Variants in HECW2 observed in about 807,000 individuals in gnomAD.
HECW2 encodes HECT, C2 and WW domain containing E3 ubiquitin protein ligase 2, also known as E3 ubiquitin-protein ligase HECW2.
HECW2 carries 61 observed loss-of-function variants against 175.2 expected under a neutral mutation model. The observed-to-expected ratio is 0.35, with a 90% CI of 0.28 to 0.43. HECW2 has a LOEUF of 0.43. Ranked by LOEUF, HECW2 falls within the 20% of genes least tolerant of loss-of-function variation. The probability of loss-of-function intolerance (pLI) is 1.00; values close to 1 mark genes in which losing one functional copy is unlikely to be tolerated. For synonymous variants in HECW2, 671 were observed against 731.0 expected (o/e 0.92, Z 1.32); for missense variants, 1,524 against 2,000.5 (o/e 0.76, Z 4.54).
In HECW2 at chr2:196,202,812, C is replaced by T. The variant is rs538404883; in HGVS notation, c.4608-1424G>A. Among the ~76,000 whole-genome samples the T allele has an allele frequency of 5.8e-4, 88 of 152,258 alleles. 1 individual carries two copies. Among genetic ancestry groups the T allele is most frequent in the African/African-American group, 1.9e-3 (77 of 41,556 alleles). On this transcript the variant is annotated intron_variant, in intron 28 of 28. Coordinates refer to ENST00000644978, the MANE Select transcript of HECW2 (RefSeq NM_001348768.2). ...AGTATTCCTTATCCAAAATGCTTGG[C>T]ACCAGAAGTGCTTTGGATTTCAGAT... is the stretch of plus-strand genomic sequence containing the variant.
chr2:196,432,021 G>A (rs1318606626), intron 2 of HECW2, among the ~76,000 whole-genome samples: 1 of 152,192 alleles, frequency 6.6e-6, no homozygotes, highest in Non-Finnish European at 1.5e-5. Flanking sequence ...CTCAACAGTG[G>A]TGCTATTGGC....
chr2:196,446,628 T>C (rs2125299882), intron 1 of HECW2, among the ~76,000 whole-genome samples: 2 of 152,364 alleles, frequency 1.3e-5, no homozygotes, highest in East Asian at 1.9e-4. Context: ...AGTGATTTCA[T>C]GGGCAGAATG....
rs1164376612 is a variant in HECW2 at position 196,198,322 on chromosome 2, G to T, written c.*2955C>A. The T allele has an allele frequency of 6.6e-6, 1 of 152,132 alleles. No homozygotes were observed. The highest frequency in any genetic ancestry group is 1.5e-5 in the Non-Finnish European group (1 of 68,024). The allele number at this position is 152,132 out of a possible 1,614,324, so 9.4% of individuals were successfully genotyped here. ...TTGCCATTGCTTCCCAATAGAAACA[G>T]CATTGATGTAATTTTTTTTAGCCAC... is the stretch of plus-strand genomic sequence containing the variant. On this transcript the variant is annotated 3_prime_UTR_variant, in exon 29 of 29. Transcript: ENST00000644978.
At chr2:196,489,296 A>C (rs971539802) in intron 1 of HECW2, among the ~76,000 whole-genome samples, 14 of 152,192 alleles carry the variant, frequency 9.2e-5, no homozygotes, top group Non-Finnish European at 1.8e-4. Flanking sequence ...AAAGAGAGAG[A>C]GATATATAAC....
At chr2:196,559,356 C>G (rs1051877703) in intron 1 of HECW2, among the ~76,000 whole-genome samples, 1 of 152,182 alleles carries the variant, frequency 6.6e-6, no homozygotes, top group African/African-American at 2.4e-5. Context: ...GATGTCTCAG[C>G]TAAAGGGAGG....
rs952696101 is a variant in HECW2 at position 196,300,008 on chromosome 2, G to A, written c.2814+6480C>T. 7.2e-5 allele frequency among the ~76,000 whole-genome samples: 11 copies of A among 152,214 alleles called. No individual in the cohort carries two copies. In the East Asian group the frequency reaches 9.7e-4, roughly 13 times the overall value. On this transcript the variant is annotated intron_variant, in intron 13 of 28. Transcript: ENST00000644978. The stretch of plus-strand genomic sequence containing the variant: ...CAGTCTCTACTTGAAACAATGCAGC[G>A]ATGAGGAACTTGTATGAAGACGGCA...
intron 1 of HECW2, among the ~76,000 whole-genome samples, chr2:196,555,691 G>A (rs1188977637): frequency 6.6e-6 from 1 of 152,092 alleles, no homozygotes; most frequent in South Asian, 2.1e-4. Flanking sequence ...AACTCCAAAA[G>A]AATTAAAGAG....
chr2:196,471,050 A>G (rs892024636), intron 1 of HECW2, among the ~76,000 whole-genome samples: 1 of 152,144 alleles, frequency 6.6e-6, no homozygotes, highest in Non-Finnish European at 1.5e-5. Context: ...AAGTGTAAAC[A>G]AGGACAAGGA....
chr2:196,544,644 G>A (rs1046365637), intron 1 of HECW2, among the ~76,000 whole-genome samples: 4 of 152,128 alleles, frequency 2.6e-5, no homozygotes, highest in Non-Finnish European at 5.9e-5. Context: ...GTGCTACTTC[G>A]CAGACAGCAA....
chr2:196,323,471 T>C (rs983088823), intron 6 of HECW2, among the ~76,000 whole-genome samples: 33 of 152,338 alleles, frequency 2.2e-4, no homozygotes, highest in Middle Eastern at 3.4e-3. Context: ...CATGCAACTA[T>C]AGTGATGTGA....
intron 19 of HECW2, among the ~76,000 whole-genome samples, chr2:196,245,042 G>A (rs1194031278): frequency 6.6e-6 from 1 of 152,180 alleles, no homozygotes; most frequent in Non-Finnish European, 1.5e-5. Flanking sequence ...AGGAGTTGTT[G>A]CAGTAATTGA....
At chr2:196,560,176 A>C (rs1689947203) in intron 1 of HECW2, among the ~76,000 whole-genome samples, 1 of 151,890 alleles carries the variant, frequency 6.6e-6, no homozygotes, top group African/African-American at 2.4e-5. Context: ...CAAAGGTCTC[A>C]CTCTTGTTGC....
Position 196,318,706 on chromosome 2 carries a change from A to G in HECW2, c.2184T>C (p.Pro728=). 1 of 1,577,848 alleles carries G rather than the reference A, an allele frequency of 6.3e-7. No homozygotes were observed. The highest frequency in any genetic ancestry group is 8.6e-7 in the Non-Finnish European group (1 of 1,163,102). ...AGACCTCCCCCAGCTCCTCCTGGTCAGGTACAGTGGCCGATTCTGCCCCTG... is the reference window on the plus strand; with the variant it reads ...AGACCTCCCCCAGCTCCTCCTGGTCGGGTACAGTGGCCGATTCTGCCCCTG... The part of the protein sequence containing the change: ...EGPGAESATV[P]DQEELGEVWQ... The change falls in exon 9 of 29, where the codon CCT becomes CCC. Residue 728 remains proline, a synonymous_variant. Coordinates refer to ENST00000644978, the MANE Select transcript of HECW2 (RefSeq NM_001348768.2).
intron 19 of HECW2, among the ~76,000 whole-genome samples, chr2:196,246,171 C>T (rs1343958140): frequency 1.3e-5 from 2 of 152,274 alleles, no homozygotes; most frequent in Non-Finnish European, 2.9e-5. Context: ...CAAGGCTGCT[C>T]TCCTAGATGA....
rs1691273140 is a variant in HECW2, at chr2:196,306,591, A to G, written c.2711T>C (p.Leu904Pro). Residue 904 changes from leucine (L) to proline (P), a missense_variant, in exon 13 of 29, where the codon CTG (leucine) becomes CCG (proline). Around this residue, in one of 11 missense-constraint regions of HECW2, gnomAD observed 105 missense variants for 98.1 expected, o/e 1.07. Coordinates refer to ENST00000644978, the MANE Select transcript of HECW2 (RefSeq NM_001348768.2). ...ASADFRRENILPHSTSRSRIT... is the reference protein window; with the variant it reads ...ASADFRRENIPPHSTSRSRIT... The stretch of plus-strand genomic sequence containing the variant: ...CCTGGATCTGGAGGTAGAGTGAGGC[A>G]GGATGTTCTCCCGTCGGAAATCTAG... 3.1e-6 allele frequency: 5 copies of G among 1,612,872 alleles called. No homozygotes were observed. In the South Asian group the frequency reaches 4.4e-5, roughly 14 times the overall value.
intron 1 of HECW2, among the ~76,000 whole-genome samples, chr2:196,526,866 C>T (rs1559159514): frequency 6.6e-6 from 1 of 151,948 alleles, no homozygotes; most frequent in African/African-American, 2.4e-5. Flanking sequence ...CTGGGAGAAC[C>T]ACTGCTCTCT....
At chr2:196,507,622 T>G (rs1170743559) in intron 1 of HECW2, among the ~76,000 whole-genome samples, 1 of 152,200 alleles carries the variant, frequency 6.6e-6, no homozygotes, top group Non-Finnish European at 1.5e-5. Context: ...AAATGCAACA[T>G]CTAACTCCAA....
At chr2:196,585,763 T>A (rs1332007017) in intron 1 of HECW2, among the ~76,000 whole-genome samples, 1 of 152,182 alleles carries the variant, frequency 6.6e-6, no homozygotes, top group African/African-American at 2.4e-5. Flanking sequence ...AATACCACTA[T>A]AAGACCAGAA....
At position 196,290,103 on chromosome 2, in the gene HECW2, T is replaced by A. The variant is rs76312084; in HGVS notation, c.3000+2462A>T. ...TTCAAATCTTTCACCCCAAACAGGA[T>A]TCTAATGTAAAAGCCAGCAGCAGAT... On this transcript the variant is annotated intron_variant, in intron 14 of 28. Coordinates refer to ENST00000644978, the MANE Select transcript of HECW2 (RefSeq NM_001348768.2). The A allele has an allele frequency of 1.6e-3, 249 of 152,322 alleles. 1 individual carries two copies. Among genetic ancestry groups the A allele is most frequent in the African/African-American group, 5.7e-3 (237 of 41,560 alleles). The allele number at this position is 152,322 out of a possible 1,614,324, so 9.4% of individuals were successfully genotyped here.
Sources: allele counts gnomAD v4.1 joint callset (sites outside exome capture counted in the v4.1 genomes callset), GRCh38; gene constraint gnomAD v4.1.1; regional missense constraint gnomAD v4.1.1; transcripts MANE v1.5; gene names NCBI Gene and HGNC (gene_info 2026-07-23, HGNC 2026-07-21).